CTNND2: variants seen among roughly 807,000 people sequenced by gnomAD.
CTNND2 encodes catenin delta-2.
Under a neutral mutation model 144.4 loss-of-function variants are expected in CTNND2, and 22 were observed. The ratio of observed to expected loss-of-function variants is 0.15; its 90% CI spans 0.11 to 0.22. The LOEUF (loss-of-function observed/expected upper bound fraction) is 0.22, where lower values mean the gene tolerates loss of function less well. Among genes scored for constraint, CTNND2 ranks in the 10% least tolerant of loss-of-function variants. CTNND2 has a pLI of 1.00. For synonymous variants in CTNND2, 751 were observed against 695.6 expected (o/e 1.08, Z -1.25); for missense variants, 1,353 against 1,618.8 (o/e 0.84, Z 2.82).
At chr5:11,666,688 G>C (rs1422488214) in intron 2 of CTNND2, among the ~76,000 whole-genome samples, 1 of 152,118 alleles carries the variant, frequency 6.6e-6, no homozygotes, top group Non-Finnish European at 1.5e-5. Context: ...GAAACCATTT[G>C]AGATTTTTAA....
chr5:11,652,705 A>G (rs1782706876), intron 2 of CTNND2, among the ~76,000 whole-genome samples: 1 of 152,208 alleles, frequency 6.6e-6, no homozygotes, highest in African/African-American at 2.4e-5. Flanking sequence ...TAACATATCC[A>G]TTACTTCATG....
intron 3 of CTNND2, among the ~76,000 whole-genome samples, chr5:11,442,865 AATT>A (rs958922601): frequency 2.1e-5 from 3 of 144,684 alleles, no homozygotes; most frequent in Non-Finnish European, 3.0e-5. Flanking sequence ...ATTATATTAT[AATT>A]ATTATAAATA....
chr5:11,788,292 A>G (rs1190965526), intron 1 of CTNND2, among the ~76,000 whole-genome samples: 1 of 26,622 alleles, frequency 3.8e-5, no homozygotes, highest in African/African-American at 4.5e-5. Context: ...TTCTTGCACA[A>G]GACAGTGTGC....
In CTNND2 at chr5:11,844,982, C is replaced by T. The variant is rs147145667; in HGVS notation, c.37+58835G>A. ...GGCAGGGAGCCATCATTTTCATGAA[C>T]GGGAGCTAGCGTGTGACTCTAACTG... On this transcript the variant is annotated intron_variant, in intron 1 of 21. Coordinates refer to ENST00000304623, the MANE Select transcript of CTNND2 (RefSeq NM_001332.4). Among the ~76,000 whole-genome samples, 376 of 152,096 alleles carry T rather than the reference C, an allele frequency of 2.5e-3. 1 individual carries two copies. The highest frequency in any genetic ancestry group is 8.5e-3 in the African/African-American group (351 of 41,510).
In CTNND2 at chr5:10,973,208, C is replaced by G. The variant is rs573835191; in HGVS notation, c.*245G>C. On this transcript the variant is annotated 3_prime_UTR_variant, in exon 22 of 22. Coordinates refer to ENST00000304623, the MANE Select transcript of CTNND2 (RefSeq NM_001332.4). The surrounding 1 kb of genome is among the most constrained non-coding windows in gnomAD (Gnocchi z 5.6). ...GCACTTCTCGTTACTCTACAGCTCA[C>G]GCTAGAAAGGTGCTGCCCACTGTCA... 1 of 451,436 alleles carries G rather than the reference C, an allele frequency of 2.2e-6. No homozygotes were observed. Among genetic ancestry groups the G allele is most frequent in the East Asian group, 3.7e-5 (1 of 27,190 alleles). The allele number at this position is 451,436 out of a possible 1,614,324, so 28.0% of individuals were successfully genotyped here. A position where few individuals can be genotyped will look rare whatever the true frequency, so the allele number is the denominator to read the frequency against.
chr5:11,727,519 C>T (rs1051451013), intron 2 of CTNND2, among the ~76,000 whole-genome samples: 1 of 151,130 alleles, frequency 6.6e-6, no homozygotes. Flanking sequence ...GAAATGCATG[C>T]TTTTTTTTTC....
intron 11 of CTNND2, among the ~76,000 whole-genome samples, chr5:11,193,048 A>G (rs1313450452): frequency 6.6e-6 from 1 of 152,186 alleles, no homozygotes; most frequent in Non-Finnish European, 1.5e-5. Context: ...GCAATCTTGC[A>G]TCCTCTGAGG....
At chr5:11,679,911 G>A (rs570966538) in intron 2 of CTNND2, among the ~76,000 whole-genome samples, 11 of 152,306 alleles carry the variant, frequency 7.2e-5, no homozygotes, top group Admixed American at 4.6e-4. Context: ...ACATTCCTTC[G>A]TTATTGTGGT....
At chr5:11,867,490 A>G (rs141593392) in intron 1 of CTNND2, among the ~76,000 whole-genome samples, 22 of 152,318 alleles carry the variant, frequency 1.4e-4, no homozygotes, top group African/African-American at 4.8e-4. Flanking sequence ...TGTTTCATTA[A>G]CAGGATACTC....
intron 1 of CTNND2, among the ~76,000 whole-genome samples, chr5:11,751,004 A>T (rs183375119): frequency 1.2e-3 from 181 of 151,906 alleles, no homozygotes; most frequent in African/African-American, 4.3e-3. Context: ...TTTCATAGAC[A>T]CTCACCTGTC....
chr5:11,565,236 C>T (rs768062911), intron 2 of CTNND2, among the ~76,000 whole-genome samples, 180 bp from the exon 3 acceptor site: 20 of 152,202 alleles, frequency 1.3e-4, no homozygotes, highest in Admixed American at 2.6e-4. Flanking sequence ...GGCCATGCAA[C>T]TTTGAATAAG....
chr5:11,500,417 T>C (rs1402670208), intron 3 of CTNND2, among the ~76,000 whole-genome samples: 3 of 152,214 alleles, frequency 2.0e-5, no homozygotes, highest in Admixed American at 6.5e-5. Flanking sequence ...CCCATCATAA[T>C]ATAAATCAAA....
chr5:11,764,402 G>A (rs1789459257), intron 1 of CTNND2, among the ~76,000 whole-genome samples: 1 of 152,106 alleles, frequency 6.6e-6, no homozygotes, highest in Non-Finnish European at 1.5e-5. Context: ...GCAATTTCCT[G>A]GCCCATTGTG....
intron 12 of CTNND2, among the ~76,000 whole-genome samples, chr5:11,157,136 CA>C (rs1758294604): frequency 6.6e-6 from 1 of 152,086 alleles, no homozygotes; most frequent in Admixed American, 6.5e-5. Context: ...TGAGAATCAA[CA>C]ACATATCTGA....
At chr5:11,530,215 T>C (rs574352949) in intron 3 of CTNND2, among the ~76,000 whole-genome samples, 3 of 151,890 alleles carry the variant, frequency 2.0e-5, no homozygotes, top group African/African-American at 7.3e-5. Flanking sequence ...TCATAATATC[T>C]CGATACATAA....
intron 12 of CTNND2, among the ~76,000 whole-genome samples, chr5:11,128,797 A>T (rs1164199577): frequency 9.0e-5 from 4 of 44,208 alleles, no homozygotes; most frequent in African/African-American, 3.2e-4. Flanking sequence ...AATATATATT[A>T]TATATATACA....
chr5:11,681,012 C>T (rs1367799082), intron 2 of CTNND2, among the ~76,000 whole-genome samples: 1 of 151,884 alleles, frequency 6.6e-6, no homozygotes, highest in East Asian at 1.9e-4. Flanking sequence ...AGATGGAGGG[C>T]TGGGCTGCTG....
At chr5:11,828,599 T>G (rs1793725287) in intron 1 of CTNND2, among the ~76,000 whole-genome samples, 2 of 152,206 alleles carry the variant, frequency 1.3e-5, no homozygotes, top group Admixed American at 1.3e-4. Context: ...GTCACCCATG[T>G]AAGACATAAG....
At chr5:11,082,928 C>T (rs1396402675) in intron 15 of CTNND2, 82 bp from the exon 16 acceptor site, 6 of 1,513,372 alleles carry the variant, frequency 4.0e-6, no homozygotes, top group African/African-American at 1.4e-5. Context: ...TTTCAGGCGG[C>T]TGCTTACAGG....
Sources: gnomAD v4.1 joint callset for allele counts (sites outside exome capture counted in the v4.1 genomes callset) on GRCh38, gnomAD v4.1.1 for gene constraint, Gnocchi (gnomAD v3.1) non-coding constraint, MANE v1.5 for transcripts, NCBI Gene and HGNC (gene_info 2026-07-23, HGNC 2026-07-21) for gene names.